Variants in NRXN1 observed in about 807,000 individuals in gnomAD.
The protein encoded by NRXN1 is neurexin-1.
In NRXN1, 39 loss-of-function variants were observed where a neutral mutation model predicts 150.9. That is an observed-to-expected ratio of 0.26 (90% CI 0.20 to 0.34). The LOEUF is 0.34. NRXN1 is among the 10% of genes least tolerant of loss of function. The probability of loss-of-function intolerance (pLI) is 1.00; values close to 1 mark genes in which losing one functional copy is unlikely to be tolerated. For synonymous variants in NRXN1, 924 were observed against 757.0 expected (o/e 1.22, Z -3.62); for missense variants, 1,815 against 1,949.9 (o/e 0.93, Z 1.30).
intron 17 of NRXN1, among the ~76,000 whole-genome samples, chr2:50,244,188 T>A: frequency 6.6e-6 from 1 of 151,946 alleles, no homozygotes; most frequent in East Asian, 1.9e-4. Context: ...TACATGAAAA[T>A]AAAGTATTCA....
intron 13 of NRXN1, among the ~76,000 whole-genome samples, chr2:50,504,398 C>T (rs763160046): frequency 9.9e-5 from 15 of 152,044 alleles, no homozygotes; most frequent in African/African-American, 2.7e-4. Flanking sequence ...ATGTAACTTA[C>T]CCTCAACTGG....
At chr2:50,332,633 G>A (rs962701362) in intron 17 of NRXN1, among the ~76,000 whole-genome samples, 2 of 152,182 alleles carry the variant, frequency 1.3e-5, no homozygotes, top group Admixed American at 6.5e-5. Context: ...TGTCATTCTT[G>A]TGAAGAATCA....
In NRXN1 at chr2:50,088,216, C is replaced by G. The variant is rs922428304; in HGVS notation, c.3718+3107G>C. Among the ~76,000 whole-genome samples, 3 of 152,096 alleles carry G rather than the reference C, an allele frequency of 2.0e-5. 1 individual carries two copies. In the South Asian group the frequency reaches 6.2e-4, roughly 31 times the overall value. On this transcript the variant is annotated intron_variant, in intron 19 of 22. Transcript: ENST00000401669. ...CAAAAACTTTAATCAAGGTGACACA[C>G]TCTTCAAAATTTGTATTCAGCCATT...
At chr2:50,855,595 A>C (rs1192992206) in intron 5 of NRXN1, among the ~76,000 whole-genome samples, 1 of 152,080 alleles carries the variant, frequency 6.6e-6, no homozygotes, top group East Asian at 1.9e-4. Flanking sequence ...AATTATTTAA[A>C]ACATCCAAGG....
intron 2 of NRXN1, among the ~76,000 whole-genome samples, chr2:50,975,263 T>A (rs1218553836): frequency 6.6e-6 from 1 of 152,114 alleles, no homozygotes; most frequent in Non-Finnish European, 1.5e-5. Context: ...AACATAACCA[T>A]ATAAACAAAA....
intron 19 of NRXN1, among the ~76,000 whole-genome samples, chr2:50,076,763 T>C (rs1287251584): frequency 6.6e-6 from 1 of 152,146 alleles, no homozygotes; most frequent in Non-Finnish European, 1.5e-5. Context: ...CTTCTCCATC[T>C]AGACAAAGAA....
intron 21 of NRXN1, among the ~76,000 whole-genome samples, chr2:50,009,193 C>A (rs985088605): frequency 6.6e-6 from 1 of 152,080 alleles, no homozygotes; most frequent in African/African-American, 2.4e-5. Flanking sequence ...GGCTATGGGA[C>A]CTGCTATAGT....
chr2:51,008,266 CT>C (rs1214251212), intron 2 of NRXN1, among the ~76,000 whole-genome samples: 5 of 151,934 alleles, frequency 3.3e-5, no homozygotes, highest in Admixed American at 6.6e-5. Context: ...ATTATACTAT[CT>C]AAAAAGAAGG....
At chr2:50,727,044 T>A (rs1330742320) in intron 5 of NRXN1, among the ~76,000 whole-genome samples, 1 of 152,016 alleles carries the variant, frequency 6.6e-6, no homozygotes, top group Non-Finnish European at 1.5e-5. Flanking sequence ...CTTTTGGAGC[T>A]CATGGATTTG....
chr2:50,402,266 T>C (rs1465557220), intron 17 of NRXN1, among the ~76,000 whole-genome samples: 1 of 152,120 alleles, frequency 6.6e-6, no homozygotes, highest in African/African-American at 2.4e-5. Flanking sequence ...TTTATAAGTA[T>C]GGATACAAGA....
At chr2:50,738,312 G>A (rs1699016628) in intron 5 of NRXN1, among the ~76,000 whole-genome samples, 1 of 152,160 alleles carries the variant, frequency 6.6e-6, no homozygotes, top group African/African-American at 2.4e-5. Flanking sequence ...ATTTGCTACT[G>A]ACCTCCACAG....
At chr2:50,377,026 T>A (rs2080559944) in intron 17 of NRXN1, among the ~76,000 whole-genome samples, 2 of 151,878 alleles carry the variant, frequency 1.3e-5, no homozygotes, top group African/African-American at 4.8e-5. Context: ...TCTTTTCACG[T>A]CATTATTGAC....
At chr2:50,233,638 CTT>C (rs1294088164) in intron 18 of NRXN1, among the ~76,000 whole-genome samples, 4 of 152,032 alleles carry the variant, frequency 2.6e-5, no homozygotes, top group African/African-American at 9.7e-5. Flanking sequence ...ACTTCACTGA[CTT>C]TGAAAGCTTA....
intron 5 of NRXN1, among the ~76,000 whole-genome samples, chr2:50,879,276 C>T (rs1347259025): frequency 6.6e-6 from 1 of 151,824 alleles, no homozygotes; most frequent in Non-Finnish European, 1.5e-5. Context: ...CTGCCATTTG[C>T]CCAACACATT....
chr2:50,413,798 T>G (rs1461217267), intron 17 of NRXN1, among the ~76,000 whole-genome samples: 1 of 152,098 alleles, frequency 6.6e-6, no homozygotes, highest in Non-Finnish European at 1.5e-5. Context: ...CATTAACAGA[T>G]TAATGCATAA....
intron 17 of NRXN1, among the ~76,000 whole-genome samples, chr2:50,328,752 A>G (rs117072799): frequency 6.6e-6 from 1 of 152,222 alleles, no homozygotes; most frequent in East Asian, 1.9e-4. Flanking sequence ...AAAAACAAAA[A>G]AAGAATTGGA....
intron 5 of NRXN1, among the ~76,000 whole-genome samples, chr2:50,663,103 A>C (rs1010428517): frequency 1.3e-5 from 2 of 152,066 alleles, no homozygotes; most frequent in African/African-American, 4.8e-5. Context: ...AACATGTCCA[A>C]GACATCTTCA....
chr2:49,979,403 G>A (rs1036483677), intron 21 of NRXN1, among the ~76,000 whole-genome samples: 3 of 152,230 alleles, frequency 2.0e-5, no homozygotes, highest in African/African-American at 7.2e-5. Context: ...GGCACGGAGA[G>A]CCTTTGCTAT....
chr2:50,071,529 T>C (rs1696296459), intron 19 of NRXN1, among the ~76,000 whole-genome samples: 2 of 152,130 alleles, frequency 1.3e-5, no homozygotes, highest in African/African-American at 4.8e-5. Context: ...GGAAGGACTA[T>C]GTGAAAACCC....
Sources: gnomAD v4.1 joint callset for allele counts (sites outside exome capture counted in the v4.1 genomes callset) on GRCh38, gnomAD v4.1.1 for gene constraint, MANE v1.5 for transcripts, NCBI Gene and HGNC (gene_info 2026-07-23, HGNC 2026-07-21) for gene names.